Variants in PHACTR2 observed in about 807,000 individuals in gnomAD.
PHACTR2 encodes phosphatase and actin regulator 2.
Under a neutral mutation model 76.0 loss-of-function variants are expected in PHACTR2, and 30 were observed. The observed-to-expected ratio is 0.39, with a 90% CI of 0.30 to 0.54. The LOEUF is 0.54. Ranked by LOEUF, PHACTR2 falls within the 20% of genes least tolerant of loss-of-function variation. The probability of loss-of-function intolerance (pLI) is 0.61; values close to 1 mark genes in which losing one functional copy is unlikely to be tolerated. For missense variants in PHACTR2, 696 were observed against 781.1 expected, an observed-to-expected ratio of 0.89 and a Z score of 1.30; for synonymous variants, 292 against 292.5, an observed-to-expected ratio of 1.00 and a Z score of 0.02.
chr6:143,778,343 T>C (rs1295018912), intron 9 of PHACTR2, among the ~76,000 whole-genome samples: 2 of 152,198 alleles, frequency 1.3e-5, no homozygotes, highest in African/African-American at 4.8e-5. Context: ...AAGAAAGATT[T>C]TAGTAGCATA....
Position 143,624,291 on chromosome 6 carries a change from G to T in PHACTR2, c.13+15969G>T, listed in dbSNP as rs1052733088. Among the ~76,000 whole-genome samples the T allele has an allele frequency of 8.2e-4, 125 of 152,036 alleles. No homozygotes were observed. The highest frequency in any genetic ancestry group is 2.8e-3 in the African/African-American group (114 of 41,364). On this transcript the variant is annotated intron_variant, in intron 1 of 11. Coordinates refer to the PHACTR2 transcript ENST00000305766. This position sits in a 1 kb window ranked among gnomAD's most constrained non-coding sequence, Gnocchi z 4.6. The stretch of plus-strand genomic sequence containing the variant: ...CTGACTAATTTTTGTATTTTTAGGC[G>T]AGACAGGGTTTCCCCCTGTTGGCCA...
In PHACTR2 at chr6:143,730,057, T is replaced by G. The variant is rs1358795174; in HGVS notation, c.214+17874T>G. ...TTCTTTCACCAATATCACACTATCT[T>G]GATTATTATAGCTTTATAAGTCTGA... On this transcript the variant is annotated intron_variant, in intron 2 of 12. Transcript: ENST00000440869. This position sits in a 1 kb window ranked among gnomAD's most constrained non-coding sequence, Gnocchi z 4.8. 6.6e-6 allele frequency among the ~76,000 whole-genome samples: 1 copy of G among 152,202 alleles called. No homozygotes were observed. The highest frequency in any genetic ancestry group is 2.4e-5 in the African/African-American group (1 of 41,468).
chr6:143,538,269 T>C (rs1343990108), intron 1 of PHACTR2, among the ~76,000 whole-genome samples: 1 of 152,210 alleles, frequency 6.6e-6, no homozygotes, highest in Non-Finnish European at 1.5e-5. Context: ...GGCAAATCAC[T>C]TAACCTTGTC....
intron 2 of PHACTR2, among the ~76,000 whole-genome samples, chr6:143,725,150 T>C (rs1381417417): frequency 1.3e-5 from 2 of 151,454 alleles, no homozygotes; most frequent in African/African-American, 4.9e-5. Context: ...GCTACCACAG[T>C]CAGGATATAT....
chr6:143,598,309 G>A lies in PHACTR2; in HGVS notation c.217+61102G>A, dbSNP rs1301454944. On this transcript the variant is annotated intron_variant, in intron 1 of 11. Transcript: ENST00000367584. This position sits in a 1 kb window ranked among gnomAD's most constrained non-coding sequence, Gnocchi z 4.1. ...GAGGAGAAGGCAATGTGACAATGAA[G>A]ACAAATTTTGGAGCAATGAGGCTGT... Among the ~76,000 whole-genome samples the A allele has an allele frequency of 6.6e-6, 1 of 152,126 alleles. No individual in the cohort carries two copies. Among genetic ancestry groups the A allele is most frequent in the Non-Finnish European group, 1.5e-5 (1 of 68,034 alleles).
Position 143,814,595 on chromosome 6 carries a change from CTTTT to C in PHACTR2, c.1922+7484_1922+7487del, listed in dbSNP as rs61652528. Among the ~76,000 whole-genome samples, 16 of 108,412 alleles carry C rather than the reference CTTTT, an allele frequency of 1.5e-4. No homozygotes were observed. In the East Asian group the frequency reaches 1.6e-3, roughly 11 times the overall value. 71.1% of individuals were successfully genotyped at this position (108,412 alleles called of 152,430 possible). On this transcript the variant is annotated intron_variant, in intron 12 of 12. Coordinates refer to ENST00000440869, the MANE Select transcript of PHACTR2 (RefSeq NM_001100164.2). ...ACGTATGGACACATAGACATACACA[CTTTT>C]TTTTTTTTTTTTTTTTTTTTTAAGA...
chr6:143,567,627 G>A (rs7753967), intron 1 of PHACTR2, among the ~76,000 whole-genome samples: 93,218 of 152,054 alleles, frequency 0.61, 28,913 homozygotes, highest in Middle Eastern at 0.72. Context: ...TCGATCTCCT[G>A]ACCTCAGGTG....
intron 1 of PHACTR2, among the ~76,000 whole-genome samples, chr6:143,626,050 C>T (rs1034380264): frequency 1.3e-5 from 2 of 152,180 alleles, no homozygotes; most frequent in Middle Eastern, 3.4e-3. Context: ...TTCAGGTGAA[C>T]GCTATTTTTT....
rs764121271 is a variant in PHACTR2, at chr6:143,599,091, T to C, written c.217+61884T>C. ...ACCCTCTGGGTACTCAGCGCTTTGC[T>C]CTAGGTGTCCTAAGCTGATCTGAAA... On this transcript the variant is annotated intron_variant, in intron 1 of 11. Coordinates refer to the PHACTR2 transcript ENST00000367584. This position sits in a 1 kb window ranked among gnomAD's most constrained non-coding sequence, Gnocchi z 4.6. 6.6e-6 allele frequency among the ~76,000 whole-genome samples: 1 copy of C among 152,230 alleles called. No individual in the cohort carries two copies. Among genetic ancestry groups the C allele is most frequent in the Non-Finnish European group, 1.5e-5 (1 of 68,044 alleles).
At chr6:143,749,199 G>A in intron 3 of PHACTR2, 134 bp downstream of exon 3, 1 of 595,900 alleles carries the variant, frequency 1.7e-6, no homozygotes, top group South Asian at 2.1e-5. Context: ...CAAGCGCCGT[G>A]CTTCCATTGG....
In PHACTR2 at chr6:143,776,027, A is replaced by T. The variant is rs979629506; in HGVS notation, c.1590-1301A>T. Reference sequence around the variant, plus strand: ...GCACCTGTAATCCCAGCTACTCAGGAGGCTGAGGCAGTAATTTTGGAGGCA... The same window carrying T: ...GCACCTGTAATCCCAGCTACTCAGGTGGCTGAGGCAGTAATTTTGGAGGCA... On this transcript the variant is annotated intron_variant, in intron 8 of 12. Transcript: ENST00000440869. The surrounding 1 kb of genome is among the most constrained non-coding windows in gnomAD (Gnocchi z 5.3). 1.3e-5 allele frequency among the ~76,000 whole-genome samples: 2 copies of T among 152,186 alleles called. No homozygotes were observed. The highest frequency in any genetic ancestry group is 4.8e-5 in the African/African-American group (2 of 41,454).
chr6:143,709,260 C>A lies in PHACTR2; in HGVS notation c.47-2756C>A, dbSNP rs139943022. On this transcript the variant is annotated intron_variant, in intron 1 of 12. Coordinates refer to ENST00000440869, the MANE Select transcript of PHACTR2 (RefSeq NM_001100164.2). This position sits in a 1 kb window ranked among gnomAD's most constrained non-coding sequence, Gnocchi z 4.4. ...AACCACTTTCAGAAGAATCAGTTAG[C>A]GTAGGACTTGAATCTCCAATTTTCC... 6.8e-4 allele frequency among the ~76,000 whole-genome samples: 103 copies of A among 152,306 alleles called. No individual in the cohort carries two copies. The highest frequency in any genetic ancestry group is 2.3e-3 in the African/African-American group (95 of 41,558).
chr6:143,671,378 T>C lies in PHACTR2; in HGVS notation c.14-40638T>C, dbSNP rs531746390. On this transcript the variant is annotated intron_variant, in intron 1 of 11. Coordinates refer to the PHACTR2 transcript ENST00000305766. The surrounding 1 kb of genome is among the most constrained non-coding windows in gnomAD (Gnocchi z 4.6). ...ATGCTCCTGTCTTTATATTAACTGG[T>C]CTTTCTTCTTGGAACACCTCTCCCC... Among the ~76,000 whole-genome samples the C allele has an allele frequency of 6.6e-6, 1 of 152,286 alleles. No individual in the cohort carries two copies. Among genetic ancestry groups the C allele is most frequent in the African/African-American group, 2.4e-5 (1 of 41,558 alleles).
chr6:143,615,297 T>C (rs1776042314), intron 1 of PHACTR2, among the ~76,000 whole-genome samples: 1 of 152,194 alleles, frequency 6.6e-6, no homozygotes, highest in African/African-American at 2.4e-5. Flanking sequence ...GTGGGGATTC[T>C]TGGTCTTTGT....
rs1050692910 is a variant in PHACTR2, at chr6:143,825,958, T to G, written c.*2269T>G. 5 of 152,162 alleles carry G rather than the reference T, an allele frequency of 3.3e-5. No individual in the cohort carries two copies. The highest frequency in any genetic ancestry group is 9.7e-5 in the African/African-American group (4 of 41,432). The allele number at this position is 152,162 out of a possible 1,614,324, so 9.4% of individuals were successfully genotyped here. On this transcript the variant is annotated 3_prime_UTR_variant, in exon 13 of 13. Coordinates refer to ENST00000440869, the MANE Select transcript of PHACTR2 (RefSeq NM_001100164.2). This position sits in a 1 kb window ranked among gnomAD's most constrained non-coding sequence, Gnocchi z 4.1. ...TCTGGTATTTCAAAATTGCATTTCT[T>G]GTATAATAGGTCAGATTTATTAACT...
chr6:143,817,709 G>A (rs1316650567), intron 12 of PHACTR2, among the ~76,000 whole-genome samples: 1 of 152,186 alleles, frequency 6.6e-6, no homozygotes, highest in Non-Finnish European at 1.5e-5. Context: ...CACCAGCATG[G>A]ATGAACCTGG....
At chr6:143,544,735 G>A (rs1263593070) in intron 1 of PHACTR2, among the ~76,000 whole-genome samples, 1 of 152,076 alleles carries the variant, frequency 6.6e-6, no homozygotes, top group Non-Finnish European at 1.5e-5. Flanking sequence ...ATTTATTTTT[G>A]CATTCTCAGT....
chr6:143,724,475 C>A (rs1346010587), intron 2 of PHACTR2, among the ~76,000 whole-genome samples: 1 of 152,124 alleles, frequency 6.6e-6, no homozygotes, highest in African/African-American at 2.4e-5. Context: ...CTTTTCCAGA[C>A]TAGAGCAAAG....
rs563239129 is a variant in PHACTR2, at chr6:143,550,023, G to A, written c.217+12816G>A. On this transcript the variant is annotated intron_variant, in intron 1 of 11. Transcript: ENST00000367584. This position sits in a 1 kb window ranked among gnomAD's most constrained non-coding sequence, Gnocchi z 4.8. ...TGCCAAGGCTACCATTTTTTGCTAGGTGGGAGTTGGAGTGATATCCCAATG... is the reference window on the plus strand; with the variant it reads ...TGCCAAGGCTACCATTTTTTGCTAGATGGGAGTTGGAGTGATATCCCAATG... 5.9e-5 allele frequency among the ~76,000 whole-genome samples: 9 copies of A among 152,120 alleles called. No homozygotes were observed. Among genetic ancestry groups the A allele is most frequent in the South Asian group, 2.1e-4 (1 of 4,810 alleles).
Sources: allele counts gnomAD v4.1 joint callset (sites outside exome capture counted in the v4.1 genomes callset), GRCh38; gene constraint gnomAD v4.1.1; non-coding constraint Gnocchi (gnomAD v3.1); transcripts MANE v1.5; gene names NCBI Gene and HGNC (gene_info 2026-07-23, HGNC 2026-07-21).